LHFPL2: variants seen among roughly 807,000 people sequenced by gnomAD.
The protein encoded by LHFPL2 is LHFPL tetraspan subfamily member 2.
Under a neutral mutation model 17.5 loss-of-function variants are expected in LHFPL2, and 7 were observed. The ratio of observed to expected loss-of-function variants is 0.40; its 90% CI spans 0.23 to 0.75. The LOEUF is 0.75. LHFPL2 is among the 30% of genes least tolerant of loss of function. The probability of loss-of-function intolerance (pLI) is 0.37; values close to 1 mark genes in which losing one functional copy is unlikely to be tolerated. For missense variants in LHFPL2, 241 were observed against 294.8 expected, an observed-to-expected ratio of 0.82 and a Z score of 1.34; for synonymous variants, 134 against 116.2, an observed-to-expected ratio of 1.15 and a Z score of -0.99.
chr5:78,567,750 G>A (rs992490963), intron 2 of LHFPL2, among the ~76,000 whole-genome samples: 1 of 151,808 alleles, frequency 6.6e-6, no homozygotes, highest in Non-Finnish European at 1.5e-5. Flanking sequence ...ATTCAAATCC[G>A]TATACATGAT....
chr5:78,576,185 C>CT (rs753202926), intron 2 of LHFPL2, among the ~76,000 whole-genome samples: 12 of 152,214 alleles, frequency 7.9e-5, no homozygotes, highest in Admixed American at 2.6e-4. Flanking sequence ...GTCCCAGCTA[C>CT]TCCGGAGGCT....
At chr5:78,494,910 A>G (rs1456831115) in intron 4 of LHFPL2, among the ~76,000 whole-genome samples, 1 of 152,118 alleles carries the variant, frequency 6.6e-6, no homozygotes, top group East Asian at 1.9e-4. Context: ...TAGGAAACAC[A>G]CCAGGAAAAG....
intron 2 of LHFPL2, among the ~76,000 whole-genome samples, chr5:78,630,728 G>A (rs1469111612): frequency 1.3e-5 from 2 of 152,198 alleles, no homozygotes; most frequent in Non-Finnish European, 2.9e-5. Flanking sequence ...GAAACCAGAA[G>A]ACAAATTCTT....
At chr5:78,490,551 G>A (rs1019347829) in intron 4 of LHFPL2, among the ~76,000 whole-genome samples, 1 of 150,914 alleles carries the variant, frequency 6.6e-6, no homozygotes, top group Non-Finnish European at 1.5e-5. Context: ...AAGAGAGTGA[G>A]ACCATCCTGG....
At chr5:78,639,261 C>T (rs1457590600) in intron 1 of LHFPL2, among the ~76,000 whole-genome samples, 1 of 152,200 alleles carries the variant, frequency 6.6e-6, no homozygotes, top group Non-Finnish European at 1.5e-5. Context: ...ATAGTGTAAA[C>T]ATTTCACACA....
intron 2 of LHFPL2, among the ~76,000 whole-genome samples, chr5:78,591,784 G>A (rs1195243229): frequency 1.3e-5 from 2 of 152,236 alleles, no homozygotes; most frequent in South Asian, 2.1e-4. Flanking sequence ...CATGGGGGCT[G>A]CAGAAACAGA....
intron 2 of LHFPL2, among the ~76,000 whole-genome samples, chr5:78,574,034 A>C (rs1284719544): frequency 1.3e-5 from 2 of 152,222 alleles, no homozygotes; most frequent in African/African-American, 4.8e-5. Flanking sequence ...GCAAATACCC[A>C]AAACAGAAGA....
chr5:78,614,106 A>G (rs1744513320), intron 2 of LHFPL2, among the ~76,000 whole-genome samples: 1 of 152,206 alleles, frequency 6.6e-6, no homozygotes, highest in Admixed American at 6.5e-5. Context: ...CGCCGATGCT[A>G]TGAGAAACAC....
At chr5:78,544,757 A>ACACT (rs748445664) in intron 3 of LHFPL2, among the ~76,000 whole-genome samples, 1 of 151,630 alleles carries the variant, frequency 6.6e-6, no homozygotes, top group Non-Finnish European at 1.5e-5. Flanking sequence ...CTTCTTACAC[A>ACACT]CACACACACA....
intron 3 of LHFPL2, among the ~76,000 whole-genome samples, chr5:78,527,908 A>C (rs1755667606): frequency 6.6e-6 from 1 of 152,186 alleles, no homozygotes; most frequent in Admixed American, 6.5e-5. Flanking sequence ...TGAGGAGTGT[A>C]AGCGATTAAG....
chr5:78,510,012 T>A lies in LHFPL2; in HGVS notation c.202A>T (p.Ile68Phe). 1.2e-6 allele frequency: 2 copies of A among 1,612,892 alleles called. No homozygotes were observed. Among genetic ancestry groups the A allele is most frequent in the Non-Finnish European group, 1.7e-6 (2 of 1,179,594 alleles). Reference protein sequence around the residue: ...HPTLGIYARCIRNPGVQHFQR... With the variant: ...HPTLGIYARCFRNPGVQHFQR... ...AAGTGCTGCACCCCTGGGTTCCGGA[T>A]GCAGCGGGCGTAGATGCCCAGGGTG... The change falls in exon 4 of 5, where the codon ATC becomes TTC. Residue 68 changes from isoleucine to phenylalanine, a missense_variant. Coordinates refer to ENST00000380345, the MANE Select transcript of LHFPL2 (RefSeq NM_005779.3).
chr5:78,633,311 G>A (rs926052079), intron 1 of LHFPL2, among the ~76,000 whole-genome samples: 1 of 152,222 alleles, frequency 6.6e-6, no homozygotes, highest in Admixed American at 6.5e-5. Flanking sequence ...AGCATGAGGT[G>A]GTTCCTGCCA....
At chr5:78,554,487 C>T (rs933219119) in intron 3 of LHFPL2, among the ~76,000 whole-genome samples, 1 of 152,254 alleles carries the variant, frequency 6.6e-6, no homozygotes. Flanking sequence ...TTTCACACCC[C>T]TATTCCCTTA....
intron 3 of LHFPL2, among the ~76,000 whole-genome samples, chr5:78,553,759 G>A (rs1263130650): frequency 6.6e-6 from 1 of 152,278 alleles, no homozygotes; most frequent in South Asian, 2.1e-4. Context: ...ACAGACTTCC[G>A]TCAGATTTTT....
chr5:78,570,057 T>C (rs1237585231), intron 2 of LHFPL2, among the ~76,000 whole-genome samples: 1 of 152,194 alleles, frequency 6.6e-6, no homozygotes, highest in Admixed American at 6.5e-5. Flanking sequence ...CACATAATTC[T>C]TACCTCTTCC....
Position 78,485,424 on chromosome 5 carries a change from A to G in LHFPL2, c.*3473T>C, listed in dbSNP as rs1296704835. On this transcript the variant is annotated 3_prime_UTR_variant, in exon 5 of 5. Transcript: ENST00000380345. ...TATTTGGCTCAAGTGGCTGTTGAAT[A>G]TCAAGTGGTGCCGAGTCCCTCCAGA... 6.6e-6 allele frequency: 1 copy of G among 152,658 alleles called. No homozygotes were observed. Among genetic ancestry groups the G allele is most frequent in the Non-Finnish European group, 1.5e-5 (1 of 68,044 alleles). 9.5% of individuals were successfully genotyped at this position (152,658 alleles called of 1,614,324 possible).
chr5:78,510,641 G>A (rs1320848168), intron 3 of LHFPL2, among the ~76,000 whole-genome samples: 1 of 152,232 alleles, frequency 6.6e-6, no homozygotes, highest in African/African-American at 2.4e-5. Context: ...GGAAGGAGGC[G>A]GCCAGTGCCA....
chr5:78,593,905 G>C (rs1230267865), intron 2 of LHFPL2, among the ~76,000 whole-genome samples: 2 of 152,334 alleles, frequency 1.3e-5, no homozygotes, highest in Non-Finnish European at 2.9e-5. Context: ...GCAAGAAGGA[G>C]GGGGGATGGA....
chr5:78,642,122 A>C (rs994532717), intron 1 of LHFPL2: 4 of 152,002 alleles, frequency 2.6e-5, no homozygotes, highest in Non-Finnish European at 5.9e-5. Flanking sequence ...ATCCTCACAC[A>C]CTGGAGAGTG....
Sources: allele counts gnomAD v4.1 joint callset (sites outside exome capture counted in the v4.1 genomes callset), GRCh38; gene constraint gnomAD v4.1.1; transcripts MANE v1.5; gene names NCBI Gene and HGNC (gene_info 2026-07-23, HGNC 2026-07-21).